Variants in ABCD2 observed in about 807,000 individuals in gnomAD.
ABCD2 encodes ATP-binding cassette sub-family D member 2.
In ABCD2, 36 loss-of-function variants were observed where a neutral mutation model predicts 70.9. The ratio of observed to expected loss-of-function variants is 0.51; its 90% CI spans 0.39 to 0.67. The LOEUF is 0.67. Ranked by LOEUF, ABCD2 falls within the 30% of genes least tolerant of loss-of-function variation. The probability of loss-of-function intolerance (pLI) is 0.00; values close to 1 mark genes in which losing one functional copy is unlikely to be tolerated. For synonymous variants in ABCD2, 304 were observed against 306.9 expected (o/e 0.99, Z 0.10); for missense variants, 729 against 890.2 (o/e 0.82, Z 2.30).
rs1941949419 is a variant in ABCD2 at position 39,604,897 on chromosome 12, A to G, written c.1270T>C (p.Tyr424His). The change falls in exon 4 of 10, where the codon TAC becomes CAC. Residue 424 changes from tyrosine to histidine, a missense_variant. This residue lies in a region of ABCD2 where 195 missense variants were observed against 300.2 expected (regional missense o/e 0.65). Transcript: ENST00000308666. ...TCATCAAAGACCCAAAACATATTGTACACTCGAGCAGTGTAGCCTGCTAAT... is the reference window on the plus strand; with the variant it reads ...TCATCAAAGACCCAAAACATATTGTGCACTCGAGCAGTGTAGCCTGCTAAT... ...TELAGYTARV[Y>H]NMFWVFDEVK... 6.2e-7 allele frequency: 1 copy of G among 1,611,144 alleles called. No individual in the cohort carries two copies.
At chr12:39,570,286 T>G (rs1342037654) in intron 9 of ABCD2, among the ~76,000 whole-genome samples, 3 of 152,222 alleles carry the variant, frequency 2.0e-5, no homozygotes, top group Non-Finnish European at 2.9e-5. Context: ...AAAAAATTCT[T>G]GAGCATAAAG....
intron 7 of ABCD2, among the ~76,000 whole-genome samples, chr12:39,584,567 G>C (rs1320690544): frequency 6.6e-6 from 1 of 152,052 alleles, no homozygotes; most frequent in African/African-American, 2.4e-5. Context: ...ATTGCTTTTG[G>C]TATCTTTGTC....
intron 9 of ABCD2, among the ~76,000 whole-genome samples, chr12:39,556,250 A>G (rs117791407): frequency 0.015 from 2,244 of 152,272 alleles, 36 homozygotes; most frequent in South Asian, 0.035. Flanking sequence ...CAAAAAAATT[A>G]AAATAGTTGT....
intron 9 of ABCD2, among the ~76,000 whole-genome samples, chr12:39,566,012 GCTGCTGGATTTAGTTTGC>G (rs1382575999): frequency 1.3e-5 from 2 of 152,154 alleles, no homozygotes; most frequent in Non-Finnish European, 2.9e-5. Context: ...TTTTTGATGT[GCTGCTGGATTTAGTTTGC>G]CAGTGTTTTA....
chr12:39,563,435 C>T (rs370517887), intron 9 of ABCD2, among the ~76,000 whole-genome samples: 31 of 151,904 alleles, frequency 2.0e-4, no homozygotes, highest in African/African-American at 6.5e-4. Context: ...CTGTAAGATA[C>T]GGAACAAGGT....
At chr12:39,545,393 A>G (rs1300307818), downstream of ABCD2, among the ~76,000 whole-genome samples, 4 of 152,146 alleles carry the variant, frequency 2.6e-5, no homozygotes, top group Admixed American at 2.6e-4. Flanking sequence ...CCCGGGTTCA[A>G]GCGATTCTCC....
Position 39,552,820 on chromosome 12 carries a change from G to A in ABCD2, c.*1092C>T, listed in dbSNP as rs1941106690. 6.6e-6 allele frequency: 1 copy of A among 151,850 alleles called. No homozygotes were observed. The highest frequency in any genetic ancestry group is 1.5e-5 in the Non-Finnish European group (1 of 67,842). The allele number at this position is 151,850 out of a possible 1,614,324, so 9.4% of individuals were successfully genotyped here. On this transcript the variant is annotated 3_prime_UTR_variant, in exon 10 of 10. Coordinates refer to ENST00000308666, the MANE Select transcript of ABCD2 (RefSeq NM_005164.4). ...TATTATAGCCCAGTTTGATTTAAAG[G>A]ATAATAACAAAAGAGCACTAAACCA...
chr12:39,568,879 T>C (rs1393084341), intron 9 of ABCD2, among the ~76,000 whole-genome samples: 1 of 152,224 alleles, frequency 6.6e-6, no homozygotes, highest in Non-Finnish European at 1.5e-5. Flanking sequence ...TGTTGGAGTT[T>C]GCTAGAGGTC....
At chr12:39,576,288 T>C (rs999848334) in intron 8 of ABCD2, among the ~76,000 whole-genome samples, 1 of 152,076 alleles carries the variant, frequency 6.6e-6, no homozygotes. Context: ...GCCTCCCGAG[T>C]AGCTGGGACT....
chr12:39,601,943 A>G (rs1400673665), intron 5 of ABCD2, among the ~76,000 whole-genome samples: 2 of 151,890 alleles, frequency 1.3e-5, no homozygotes, highest in African/African-American at 4.8e-5. Context: ...GCACATTGGC[A>G]AAATATTTCA....
At chr12:39,546,753 GA>G (rs1471118403), downstream of ABCD2, among the ~76,000 whole-genome samples, 2 of 151,976 alleles carry the variant, frequency 1.3e-5, no homozygotes, top group South Asian at 2.1e-4. Flanking sequence ...ATATACAACT[GA>G]AAAAAAATTT....
Position 39,550,129 on chromosome 12 carries a change from T to C in ABCD2, c.*3783A>G, listed in dbSNP as rs1186358584. On this transcript the variant is annotated 3_prime_UTR_variant, in exon 10 of 10. Transcript: ENST00000308666. ...AATGTGTTGTATTAATAAAGAAAATTAATATTTAAATAACTATTTGGTGAC... is the reference window on the plus strand; with the variant it reads ...AATGTGTTGTATTAATAAAGAAAATCAATATTTAAATAACTATTTGGTGAC... The C allele has an allele frequency of 6.6e-6, 1 of 151,774 alleles. No homozygotes were observed. The highest frequency in any genetic ancestry group is 1.5e-5 in the Non-Finnish European group (1 of 67,742). 9.4% of individuals were successfully genotyped at this position (151,774 alleles called of 1,614,324 possible).
At chr12:39,603,776 G>T in intron 5 of ABCD2, 136 bp downstream of exon 5, 2 of 511,666 alleles carry the variant, frequency 3.9e-6, no homozygotes, top group South Asian at 3.9e-5. Context: ...TTCTGTAATT[G>T]AGCCACTGTG....
intron 9 of ABCD2, among the ~76,000 whole-genome samples, chr12:39,558,785 A>G (rs778051947): frequency 2.6e-5 from 4 of 152,190 alleles, no homozygotes; most frequent in Admixed American, 1.3e-4. Flanking sequence ...AGTTCTTTAT[A>G]GCAGTATGAA....
intron 9 of ABCD2, among the ~76,000 whole-genome samples, chr12:39,568,097 A>G (rs1941385545): frequency 6.6e-6 from 1 of 151,722 alleles, no homozygotes. Flanking sequence ...TCTGACAATT[A>G]TGTGTCTTGG....
At chr12:39,612,926 C>T (rs963824556) in intron 2 of ABCD2, among the ~76,000 whole-genome samples, 1 of 152,168 alleles carries the variant, frequency 6.6e-6, no homozygotes, top group Non-Finnish European at 1.5e-5. Context: ...AGATCACAAA[C>T]ATGTTGACAT....
Position 39,619,169 on chromosome 12 carries a change from C to T in ABCD2, c.447G>A (p.Lys149=). 1 of 1,614,210 alleles carries T rather than the reference C, an allele frequency of 6.2e-7. No homozygotes were observed. The highest frequency in any genetic ancestry group is 1.3e-5 in the African/African-American group (1 of 75,044). Residue 149 remains lysine, a synonymous_variant, in exon 1 of 10, where the codon AAG becomes AAA. Coordinates refer to ENST00000308666, the MANE Select transcript of ABCD2 (RefSeq NM_005164.4). Reference sequence around the variant, plus strand: ...TAGCAGGGATGGCAATCATAAGCCACTTGATTAATTTGATGATGAAAGTCC... The same window carrying T: ...TAGCAGGGATGGCAATCATAAGCCATTTGATTAATTTGATGATGAAAGTCC... The part of the protein sequence containing the change: ...KPRTFIIKLI[K]WLMIAIPATF...
At chr12:39,607,477 G>A (rs565377387) in intron 3 of ABCD2, 122 bp downstream of exon 3, 132 of 712,060 alleles carry the variant, frequency 1.9e-4, no homozygotes, top group African/African-American at 1.5e-3. Context: ...TTGATTATAC[G>A]CAGCAATTTT....
the ABCD2 span, among the ~76,000 whole-genome samples, chr12:39,536,337 G>T: frequency 6.6e-6 from 1 of 152,312 alleles, no homozygotes; most frequent in South Asian, 2.1e-4. Flanking sequence ...AAACTCTGGT[G>T]GCACTGAGAG....
Sources: allele counts gnomAD v4.1 joint callset (sites outside exome capture counted in the v4.1 genomes callset), GRCh38; gene constraint gnomAD v4.1.1; regional missense constraint gnomAD v4.1.1; transcripts MANE v1.5; gene names NCBI Gene and HGNC (gene_info 2026-07-23, HGNC 2026-07-21).